Variants in ALK observed in about 807,000 individuals in gnomAD.
ALK encodes ALK tyrosine kinase receptor.
Under a neutral mutation model 163.1 loss-of-function variants are expected in ALK, and 74 were observed. That is an observed-to-expected ratio of 0.45 (90% CI 0.38 to 0.55). ALK has a LOEUF of 0.55. Ranked by LOEUF, ALK falls within the 20% of genes least tolerant of loss-of-function variation. The probability of loss-of-function intolerance (pLI) is 0.00; values close to 1 mark genes in which losing one functional copy is unlikely to be tolerated. For missense variants in ALK, 2,063 were observed against 2,105.3 expected (o/e 0.98, Z 0.39); for synonymous variants, 960 against 843.2 (o/e 1.14, Z -2.40).
At position 29,227,646 on chromosome 2, in the gene ALK, G is replaced by T; in HGVS notation, c.2842C>A (p.Pro948Thr). 2 of 1,613,978 alleles carry T rather than the reference G, an allele frequency of 1.2e-6. No individual in the cohort carries two copies. Among genetic ancestry groups the T allele is most frequent in the Non-Finnish European group, 1.7e-6 (2 of 1,180,020 alleles). ...IGGNAASNND[P>T]EMDGEDGVSF... ...ACCCCATCTTCCCCATCCATTTCGG[G>T]GTCATTGTTTGAGGCTGCATTGCCG... The change falls in exon 17 of 29, where the codon CCC becomes ACC. Residue 948 changes from proline to threonine, a missense_variant. By Grantham distance (38) the Pro-to-Thr change is conservative. This residue lies in a region of ALK where 575 missense variants were observed against 626.6 expected (regional missense o/e 0.92). Coordinates refer to ENST00000389048, the MANE Select transcript of ALK (RefSeq NM_004304.5). This position sits in a 1 kb window ranked among gnomAD's most constrained non-coding sequence, Gnocchi z 4.4.
chr2:29,714,703 C>T (rs1187365485), intron 2 of ALK, among the ~76,000 whole-genome samples: 1 of 152,220 alleles, frequency 6.6e-6, no homozygotes, highest in East Asian at 1.9e-4. Flanking sequence ...GAAGAACGAT[C>T]CCTTCAGGCA....
chr2:29,359,291 T>G (rs1217632435), intron 5 of ALK, among the ~76,000 whole-genome samples: 1 of 152,150 alleles, frequency 6.6e-6, no homozygotes, highest in Admixed American at 6.5e-5. Context: ...AAGAGGGTAT[T>G]ATTCAGGGTG....
intron 1 of ALK, among the ~76,000 whole-genome samples, chr2:29,857,341 T>G (rs929064219): frequency 2.0e-5 from 3 of 152,184 alleles, no homozygotes; most frequent in Non-Finnish European, 4.4e-5. Flanking sequence ...CTGGGAGTCT[T>G]TCCCAGACTG....
chr2:29,633,749 T>C (rs932756070), intron 3 of ALK, among the ~76,000 whole-genome samples: 8 of 152,104 alleles, frequency 5.3e-5, no homozygotes, highest in African/African-American at 1.9e-4. Context: ...TATGGAGCAT[T>C]CAACCATCAA....
chr2:29,849,898 T>A (rs1466015147), intron 1 of ALK, among the ~76,000 whole-genome samples: 2 of 152,170 alleles, frequency 1.3e-5, no homozygotes, highest in African/African-American at 4.8e-5. Flanking sequence ...CAATTTTTCA[T>A]TTAGTATTCT....
intron 4 of ALK, among the ~76,000 whole-genome samples, chr2:29,385,133 T>TTA (rs979683093): frequency 1.3e-5 from 2 of 149,432 alleles, no homozygotes; most frequent in African/African-American, 4.9e-5. Context: ...TTTTTTTTTT[T>TTA]ACCAGTAGGT....
intron 3 of ALK, among the ~76,000 whole-genome samples, chr2:29,578,295 T>A (rs912910787): frequency 6.6e-6 from 1 of 152,332 alleles, no homozygotes; most frequent in South Asian, 2.1e-4. Context: ...CATCTGGAGC[T>A]GTAAGTCCAT....
chr2:29,797,289 C>T (rs1664344390), intron 1 of ALK, among the ~76,000 whole-genome samples: 3 of 152,178 alleles, frequency 2.0e-5, no homozygotes, highest in Admixed American at 2.0e-4. Context: ...CACTTCCTTG[C>T]CATTTGCTCA....
intron 5 of ALK, among the ~76,000 whole-genome samples, chr2:29,338,185 G>C (rs1667682252): frequency 6.6e-6 from 1 of 152,162 alleles, no homozygotes; most frequent in Admixed American, 6.5e-5. Flanking sequence ...TAGAGATAAG[G>C]CTCTGTTAGA....
At chr2:29,360,931 C>A (rs1284012187) in intron 5 of ALK, among the ~76,000 whole-genome samples, 4 of 152,194 alleles carry the variant, frequency 2.6e-5, no homozygotes, top group Non-Finnish European at 5.9e-5. Flanking sequence ...TCCCACCACC[C>A]CTGGTCATGG....
chr2:29,676,278 A>G (rs1677869965), intron 3 of ALK, among the ~76,000 whole-genome samples: 2 of 152,034 alleles, frequency 1.3e-5, no homozygotes, highest in Non-Finnish European at 2.9e-5. Flanking sequence ...TCCCCACCCA[A>G]GGTCACAAAG....
chr2:29,572,618 C>A (rs1359596720), intron 3 of ALK, among the ~76,000 whole-genome samples: 1 of 152,204 alleles, frequency 6.6e-6, no homozygotes, highest in Non-Finnish European at 1.5e-5. Context: ...ACCAGAGCAC[C>A]TCCCACAAAT....
chr2:29,502,959 A>G (rs2148133490), intron 4 of ALK, among the ~76,000 whole-genome samples: 1 of 152,330 alleles, frequency 6.6e-6, no homozygotes, highest in African/African-American at 2.4e-5. Flanking sequence ...AAGATGCTGC[A>G]GACCAAGAAC....
At position 29,223,380 on chromosome 2, in the gene ALK, G is replaced by T. The variant is rs1553394438; in HGVS notation, c.3321C>A (p.Asp1107Glu). The T allele has an allele frequency of 6.2e-7, 1 of 1,614,090 alleles. No individual in the cohort carries two copies. Among genetic ancestry groups the T allele is most frequent in the South Asian group, 1.1e-5 (1 of 91,084 alleles). The change falls in exon 20 of 29, where the codon GAC (aspartate) becomes GAA (glutamate). Residue 1107 changes from aspartate to glutamate, a missense_variant. Asp to Glu is a conservative substitution (Grantham distance 45). Coordinates refer to ENST00000389048, the MANE Select transcript of ALK (RefSeq NM_004304.5). ...CFAGKTSSISDLKEVPRKNIT... is the reference protein window; with the variant it reads ...CFAGKTSSISELKEVPRKNIT... ...TGTTTTTCCGCGGCACCTCCTTCAGGTCACTGATGGAGGAGGTCTTGCCAG... is the reference window on the plus strand; with the variant it reads ...TGTTTTTCCGCGGCACCTCCTTCAGTTCACTGATGGAGGAGGTCTTGCCAG...
chr2:29,368,682 TAGA>T (rs1202273831), intron 5 of ALK, among the ~76,000 whole-genome samples: 1 of 152,180 alleles, frequency 6.6e-6, no homozygotes, highest in African/African-American at 2.4e-5. Context: ...GAGAACTTCA[TAGA>T]GTGGGAAGTG....
intron 1 of ALK, among the ~76,000 whole-genome samples, chr2:29,829,308 ATAAT>A (rs1665296435): frequency 1.8e-5 from 2 of 111,966 alleles, no homozygotes; most frequent in African/African-American, 6.3e-5. Context: ...AACTTAAAGT[ATAAT>A]AAAAAAAAAA....
chr2:29,842,774 G>A (rs573039149), intron 1 of ALK, among the ~76,000 whole-genome samples: 3 of 152,326 alleles, frequency 2.0e-5, no homozygotes, highest in Admixed American at 6.5e-5. Context: ...AACAACAGTA[G>A]TGTGTACTGA....
Position 29,214,042 on chromosome 2 carries a change from C to T in ALK, c.3685G>A (p.Val1229Met), listed in dbSNP as rs776228721. 32 of 1,614,062 alleles carry T rather than the reference C, an allele frequency of 2.0e-5. No homozygotes were observed. The highest frequency in any genetic ancestry group is 9.9e-5 in the South Asian group (9 of 91,072). Reference protein sequence around the residue: ...SSLAMLDLLHVARDIACGCQY... With the variant: ...SSLAMLDLLHMARDIACGCQY... ...CAGCCACAGGCAATGTCCCGAGCCA[C>T]GTGCAGAAGGTCCAGCATGGCCAGG... Residue 1229 changes from valine (V) to methionine (M), a missense_variant, in exon 24 of 29, where the codon GTG becomes ATG. This residue lies in a region of ALK where 83 missense variants were observed against 139.7 expected (regional missense o/e 0.59). Transcript: ENST00000389048.
chr2:29,310,808 A>T (rs1485670791), intron 8 of ALK, among the ~76,000 whole-genome samples: 1 of 152,134 alleles, frequency 6.6e-6, no homozygotes, highest in African/African-American at 2.4e-5. Context: ...TCATCAGAAC[A>T]GGGAAGATTT....
Sources: gnomAD v4.1 joint callset for allele counts (sites outside exome capture counted in the v4.1 genomes callset) on GRCh38, gnomAD v4.1.1 for gene constraint, gnomAD v4.1.1 regional missense constraint, Gnocchi (gnomAD v3.1) non-coding constraint, MANE v1.5 for transcripts, NCBI Gene and HGNC (gene_info 2026-07-23, HGNC 2026-07-21) for gene names.